Variants in KLHL29 observed in about 807,000 individuals in gnomAD.
The protein encoded by KLHL29 is kelch-like protein 29.
In KLHL29, 21 loss-of-function variants were observed where a neutral mutation model predicts 80.4. The ratio of observed to expected loss-of-function variants is 0.26; its 90% confidence interval spans 0.19 to 0.38. KLHL29 has a LOEUF of 0.38. Ranked by LOEUF, KLHL29 falls within the 10% of genes least tolerant of loss-of-function variation. The pLI, the probability that KLHL29 is intolerant of heterozygous loss-of-function variation, is 1.00. For synonymous variants in KLHL29, 511 were observed against 526.8 expected, an observed-to-expected ratio of 0.97 and a Z score of 0.41; for missense variants, 867 against 1,223.9, an observed-to-expected ratio of 0.71 and a Z score of 4.35.
Position 23,554,062 on chromosome 2 carries a change from G to T in KLHL29, c.-45-8090G>T, listed in dbSNP as rs113899998. 1.2e-3 allele frequency among the ~76,000 whole-genome samples: 182 copies of T among 152,316 alleles called. 1 individual carries two copies. The highest frequency in any genetic ancestry group is 2.2e-3 in the Non-Finnish European group (151 of 68,032). On this transcript the variant is annotated intron_variant, in intron 2 of 13. Coordinates refer to ENST00000486442, the MANE Select transcript of KLHL29 (RefSeq NM_052920.2). ...CTTCTGAGCTAATGGGGGCTCCATG[G>T]GGCTGGGGGTCACTGGGGGCTGGAG...
At chr2:23,451,936 A>G (rs543388705) in intron 1 of KLHL29, among the ~76,000 whole-genome samples, 1 of 152,262 alleles carries the variant, frequency 6.6e-6, no homozygotes, top group African/African-American at 2.4e-5. Context: ...GGATGCTTCT[A>G]ATCAGGGCAG....
At chr2:23,650,051 G>A (rs1670048380) in intron 5 of KLHL29, among the ~76,000 whole-genome samples, 1 of 152,242 alleles carries the variant, frequency 6.6e-6, no homozygotes, top group Non-Finnish European at 1.5e-5. Context: ...CCAGGCAAAA[G>A]AAACAGGCAG....
chr2:23,443,997 A>T (rs146998652), intron 1 of KLHL29, among the ~76,000 whole-genome samples: 3 of 152,168 alleles, frequency 2.0e-5, no homozygotes, highest in African/African-American at 7.2e-5. Context: ...CATTCTTTCT[A>T]CATTTATTAG....
At chr2:23,576,552 T>G (rs965519709) in intron 3 of KLHL29, among the ~76,000 whole-genome samples, 2 of 152,118 alleles carry the variant, frequency 1.3e-5, no homozygotes, top group African/African-American at 4.8e-5. Flanking sequence ...TGTAAATAAT[T>G]GAGGAAGAAA....
intron 2 of KLHL29, among the ~76,000 whole-genome samples, chr2:23,560,600 C>A (rs1177885661): frequency 6.6e-6 from 1 of 152,180 alleles, no homozygotes; most frequent in Admixed American, 6.5e-5. Context: ...ATTTTTGTGT[C>A]ATGGTGTAAG....
intron 2 of KLHL29, among the ~76,000 whole-genome samples, chr2:23,519,349 C>A: frequency 2.0e-5 from 3 of 152,078 alleles, no homozygotes; most frequent in South Asian, 2.1e-4. Context: ...GGCTCCCTCC[C>A]ACCCAGGCAT....
intron 2 of KLHL29, among the ~76,000 whole-genome samples, chr2:23,528,944 G>A (rs1163486183): frequency 2.0e-5 from 3 of 152,208 alleles, no homozygotes; most frequent in Admixed American, 2.0e-4. Flanking sequence ...TGCCCCTTGG[G>A]CCTTGGGAGT....
At chr2:23,476,035 C>T (rs975572166) in intron 2 of KLHL29, among the ~76,000 whole-genome samples, 4 of 152,142 alleles carry the variant, frequency 2.6e-5, no homozygotes, top group East Asian at 1.9e-4. Context: ...TGTGCTATCA[C>T]GACTGGCTAT....
At chr2:23,659,422 A>G (rs929642956) in intron 5 of KLHL29, among the ~76,000 whole-genome samples, 36 of 152,216 alleles carry the variant, frequency 2.4e-4, no homozygotes, top group African/African-American at 8.7e-4. Flanking sequence ...CCAGTGGGTC[A>G]GTGGGTGGAC....
At chr2:23,439,622 C>T (rs1175401019) in intron 1 of KLHL29, among the ~76,000 whole-genome samples, 3 of 152,140 alleles carry the variant, frequency 2.0e-5, no homozygotes, top group Non-Finnish European at 2.9e-5. Flanking sequence ...TGAGCAGTCT[C>T]GAGTGAGTTT....
At chr2:23,444,834 T>A (rs913729623) in intron 1 of KLHL29, among the ~76,000 whole-genome samples, 1 of 152,188 alleles carries the variant, frequency 6.6e-6, no homozygotes, top group African/African-American at 2.4e-5. Context: ...AGTTGAAAAG[T>A]CATTTGAAAA....
intron 5 of KLHL29, among the ~76,000 whole-genome samples, chr2:23,675,139 A>T (rs191882949): frequency 6.6e-6 from 1 of 152,040 alleles, no homozygotes; most frequent in Non-Finnish European, 1.5e-5. Flanking sequence ...ACCCCATGAC[A>T]TGTTCTTCCT....
chr2:23,537,341 G>A (rs1666701794), intron 2 of KLHL29, among the ~76,000 whole-genome samples: 2 of 148,722 alleles, frequency 1.3e-5, no homozygotes, highest in Non-Finnish European at 3.0e-5. Flanking sequence ...GCAGGGAAGG[G>A]CATTGAAAGT....
chr2:23,686,671 T>C (rs1671273943), intron 6 of KLHL29, among the ~76,000 whole-genome samples: 2 of 152,102 alleles, frequency 1.3e-5, no homozygotes, highest in Admixed American at 1.3e-4. Flanking sequence ...GATGAGCAGT[T>C]GACCATCTGG....
chr2:23,515,660 G>C (rs1665898701), intron 2 of KLHL29, among the ~76,000 whole-genome samples: 1 of 152,242 alleles, frequency 6.6e-6, no homozygotes, highest in African/African-American at 2.4e-5. Context: ...GCCCACAGAA[G>C]GTCTCCTGTG....
At chr2:23,677,707 C>T (rs957754860) in intron 5 of KLHL29, among the ~76,000 whole-genome samples, 7 of 152,150 alleles carry the variant, frequency 4.6e-5, no homozygotes, top group African/African-American at 1.4e-4. Flanking sequence ...AGCAGCGGGA[C>T]GTTCTGTTTG....
At position 23,613,532 on chromosome 2, in the gene KLHL29, G is replaced by A. The variant is rs1239202720; in HGVS notation, c.286-25607G>A. Among the ~76,000 whole-genome samples, 6 of 152,230 alleles carry A rather than the reference G, an allele frequency of 3.9e-5. No homozygotes were observed. In the East Asian group the frequency reaches 1.2e-3, roughly 29 times the overall value. On this transcript the variant is annotated intron_variant, in intron 3 of 13. Transcript: ENST00000486442. Reference sequence around the variant, plus strand: ...TGTGATCCCAGCACTTTGGGAGGCTGAGGTGGGCGGATCACAAGGTCAGGA... The same window carrying A: ...TGTGATCCCAGCACTTTGGGAGGCTAAGGTGGGCGGATCACAAGGTCAGGA...
intron 5 of KLHL29, among the ~76,000 whole-genome samples, chr2:23,665,537 G>T (rs952592084): frequency 3.9e-5 from 6 of 152,162 alleles, no homozygotes; most frequent in African/African-American, 1.2e-4. Context: ...GGTCCATTTT[G>T]CATTGCTCTA....
chr2:23,427,249 G>A (rs543508705), intron 1 of KLHL29, among the ~76,000 whole-genome samples: 6 of 152,262 alleles, frequency 3.9e-5, no homozygotes, highest in Admixed American at 2.0e-4. Context: ...TTTTTGCGGC[G>A]TTCTATATTT....
Sources: gnomAD v4.1 joint callset for allele counts (sites outside exome capture counted in the v4.1 genomes callset) on GRCh38, gnomAD v4.1.1 for gene constraint, MANE v1.5 for transcripts, NCBI Gene and HGNC (gene_info 2026-07-23, HGNC 2026-07-21) for gene names.